ANOS1: variants seen among roughly 807,000 people sequenced by gnomAD.
ANOS1 encodes anosmin-1.
Under a neutral mutation model 59.0 loss-of-function variants are expected in ANOS1, and 6 were observed. The observed-to-expected ratio is 0.10, with a 90% CI of 0.06 to 0.20. ANOS1 has a LOEUF of 0.20. Among genes scored for constraint, ANOS1 ranks in the 10% least tolerant of loss-of-function variants. The probability of loss-of-function intolerance (pLI) is 1.00; values close to 1 mark genes in which losing one functional copy is unlikely to be tolerated. For synonymous variants in ANOS1, 217 were observed against 223.4 expected, an observed-to-expected ratio of 0.97 and a Z score of 0.25; for missense variants, 433 against 542.3, an observed-to-expected ratio of 0.80 and a Z score of 2.00.
intron 1 of ANOS1, among the ~76,000 whole-genome samples, chrX:8,718,098 T>C (rs1265670741): frequency 9.0e-6 from 1 of 111,187 alleles, no homozygotes; most frequent in East Asian, 2.8e-4. Context: ...AAATTCAAAA[T>C]TTAAAAAATA....
chrX:8,686,444 A>T (rs1932523725), intron 2 of ANOS1, among the ~76,000 whole-genome samples: 2 of 112,278 alleles, frequency 1.8e-5, no homozygotes, highest in South Asian at 7.4e-4. Flanking sequence ...TGGGGAGAAA[A>T]TAAATACTGT....
chrX:8,626,111 CAAAAAA>C (rs138234272), intron 2 of ANOS1, among the ~76,000 whole-genome samples: 2 of 24,520 alleles, frequency 8.2e-5, no homozygotes, highest in African/African-American at 1.5e-4. Context: ...GACTCTGTCT[CAAAAAA>C]AAAAAAAAAA....
chrX:8,723,857 G>A (rs192030505), intron 1 of ANOS1, among the ~76,000 whole-genome samples: 104 of 111,424 alleles, frequency 9.3e-4, no homozygotes, highest in African/African-American at 3.1e-3. Context: ...TAGTACTGTC[G>A]TTAATGATGT....
At chrX:8,717,721 G>A (rs967567334) in intron 1 of ANOS1, among the ~76,000 whole-genome samples, 5 of 111,917 alleles carry the variant, frequency 4.5e-5, no homozygotes, top group African/African-American at 1.6e-4. Flanking sequence ...TCAAAGATAT[G>A]ATGGGCTGAC....
intron 3 of ANOS1, among the ~76,000 whole-genome samples, chrX:8,604,488 G>C: frequency 8.9e-6 from 1 of 112,114 alleles, no homozygotes; most frequent in Non-Finnish European, 1.9e-5. Flanking sequence ...TACACTTCCT[G>C]GGAAGAGATA....
chrX:8,538,235 G>A (rs1331731947), intron 10 of ANOS1, among the ~76,000 whole-genome samples: 1 of 112,067 alleles, frequency 8.9e-6, no homozygotes, highest in African/African-American at 3.2e-5. Flanking sequence ...TGGAATCCAA[G>A]GTTAGCTATT....
intron 3 of ANOS1, among the ~76,000 whole-genome samples, chrX:8,602,892 C>CCA (rs972098579): frequency 1.8e-5 from 2 of 111,024 alleles, no homozygotes; most frequent in Non-Finnish European, 3.8e-5. Context: ...GCATGCGCCA[C>CCA]CATGTCCAGC....
chrX:8,559,048 A>G (rs1929991117), intron 8 of ANOS1, among the ~76,000 whole-genome samples: 1 of 112,042 alleles, frequency 8.9e-6, no homozygotes, highest in African/African-American at 3.2e-5. Flanking sequence ...TAGGAGTTGC[A>G]GAGATAAAGT....
chrX:8,711,861 T>C (rs897758385), intron 1 of ANOS1, among the ~76,000 whole-genome samples: 2 of 112,968 alleles, frequency 1.8e-5, no homozygotes, highest in Admixed American at 1.9e-4. Context: ...TGCAAAGGCA[T>C]AATATCCATG....
intron 1 of ANOS1, among the ~76,000 whole-genome samples, chrX:8,705,236 T>C (rs1422628412): frequency 8.9e-6 from 1 of 111,887 alleles, no homozygotes; most frequent in Non-Finnish European, 1.9e-5. Flanking sequence ...TCAATGATCA[T>C]TTGTCTATTG....
intron 2 of ANOS1, among the ~76,000 whole-genome samples, chrX:8,661,980 C>T (rs1045494583): frequency 2.7e-5 from 3 of 111,731 alleles, no homozygotes; most frequent in Non-Finnish European, 5.6e-5. Flanking sequence ...TAAGGACACG[C>T]TGAGCACAGA....
chrX:8,676,576 T>A (rs924385639), intron 2 of ANOS1, among the ~76,000 whole-genome samples: 18 of 111,895 alleles, frequency 1.6e-4, no homozygotes, highest in African/African-American at 5.5e-4. Context: ...TTTGTAAGGA[T>A]CCCTAACTGT....
intron 2 of ANOS1, among the ~76,000 whole-genome samples, chrX:8,668,426 TATATAC>T (rs1228766116): frequency 8.4e-4 from 69 of 81,850 alleles, no homozygotes; most frequent in African/African-American, 3.0e-3. Context: ...TATATATATA[TATATAC>T]ACACACATAC....
At chrX:8,592,629 A>G (rs1337784276) in intron 4 of ANOS1, among the ~76,000 whole-genome samples, 1 of 111,476 alleles carries the variant, frequency 9.0e-6, no homozygotes, top group Non-Finnish European at 1.9e-5. Flanking sequence ...TTGTCTCACC[A>G]AGCCATAAAA....
At chrX:8,619,434 T>C (rs888222106) in intron 3 of ANOS1, among the ~76,000 whole-genome samples, 40 of 110,449 alleles carry the variant, frequency 3.6e-4, no homozygotes, top group Non-Finnish European at 7.0e-4. Flanking sequence ...TGAAACCCCG[T>C]CTCTACTAAA....
chrX:8,550,913 CAT>C (rs1326948301), intron 9 of ANOS1, among the ~76,000 whole-genome samples: 1 of 111,854 alleles, frequency 8.9e-6, no homozygotes, highest in African/African-American at 3.2e-5. Flanking sequence ...ATAATCCCCA[CAT>C]GTCATGGGAG....
rs188781408 is a variant in ANOS1 at position 8,700,418 on chromosome X, C to T, written c.208-673G>A. The stretch of plus-strand genomic sequence containing the variant: ...TTTAAGCCATCAGATCTTGTGAGAA[C>T]TCACTCCCTGTCATGAGAACAGCCA... On this transcript the variant is annotated intron_variant, in intron 1 of 13. Coordinates refer to ENST00000262648, the MANE Select transcript of ANOS1 (RefSeq NM_000216.4). 1.9e-3 allele frequency among the ~76,000 whole-genome samples: 211 copies of T among 111,222 alleles called. 1 individual carries two copies. The highest frequency in any genetic ancestry group is 2.2e-3 in the Non-Finnish European group (116 of 53,087).
chrX:8,614,094 T>A, intron 3 of ANOS1, among the ~76,000 whole-genome samples: 1 of 111,995 alleles, frequency 8.9e-6, no homozygotes, highest in Admixed American at 9.5e-5. Context: ...AGTTGGCATC[T>A]TCAGATGCAT....
intron 2 of ANOS1, among the ~76,000 whole-genome samples, chrX:8,682,314 A>G (rs1314065605): frequency 1.8e-5 from 2 of 109,886 alleles, no homozygotes; most frequent in Non-Finnish European, 3.8e-5. Flanking sequence ...GAAAAAAAAA[A>G]AAAGTAAGAT....
Sources: allele counts gnomAD v4.1 joint callset (sites outside exome capture counted in the v4.1 genomes callset), GRCh38; gene constraint gnomAD v4.1.1; transcripts MANE v1.5; gene names NCBI Gene and HGNC (gene_info 2026-07-23, HGNC 2026-07-21).